The following NOS1AP variants were observed in gnomAD, a reference collection of about 807,000 sequenced individuals.
NOS1AP encodes nitric oxide synthase 1 adaptor protein, also known as carboxyl-terminal PDZ ligand of neuronal nitric oxide synthase protein.
In NOS1AP, 21 loss-of-function variants were observed where a neutral mutation model predicts 56.2. The observed-to-expected ratio is 0.37, with a 90% CI of 0.26 to 0.54. The LOEUF (loss-of-function observed/expected upper bound fraction) is 0.54, where lower values mean the gene tolerates loss of function less well. Ranked by LOEUF, NOS1AP falls within the 20% of genes least tolerant of loss-of-function variation. NOS1AP has a pLI of 0.84. For missense variants in NOS1AP, 522 were observed against 657.8 expected, an observed-to-expected ratio of 0.79 and a Z score of 2.26; for synonymous variants, 270 against 274.6, an observed-to-expected ratio of 0.98 and a Z score of 0.17.
At chr1:162,165,641 G>T (rs1383705989) in intron 2 of NOS1AP, among the ~76,000 whole-genome samples, 2 of 152,122 alleles carry the variant, frequency 1.3e-5, no homozygotes, top group Non-Finnish European at 2.9e-5. Context: ...CAAGACTCCA[G>T]TCTGCTTACA....
intron 2 of NOS1AP, among the ~76,000 whole-genome samples, chr1:162,265,833 C>A (rs184722968): frequency 1.3e-5 from 2 of 152,170 alleles, no homozygotes; most frequent in Non-Finnish European, 2.9e-5. Context: ...CATAAGCTTA[C>A]ACAAGATAGA....
At chr1:162,132,927 T>C (rs1406245446) in intron 1 of NOS1AP, among the ~76,000 whole-genome samples, 1 of 152,258 alleles carries the variant, frequency 6.6e-6, no homozygotes, top group Non-Finnish European at 1.5e-5. Context: ...TTGTTTGCTC[T>C]GGCTCTTCTG....
chr1:162,312,449 ATTTG>A (rs1157872317), intron 4 of NOS1AP, among the ~76,000 whole-genome samples: 1 of 119,508 alleles, frequency 8.4e-6, no homozygotes, highest in Non-Finnish European at 1.8e-5. Context: ...TTTCTTGTAA[ATTTG>A]TTTGAGTTCT....
intron 2 of NOS1AP, among the ~76,000 whole-genome samples, chr1:162,194,615 T>C (rs947548228): frequency 2.0e-5 from 3 of 152,180 alleles, no homozygotes; most frequent in Non-Finnish European, 4.4e-5. Flanking sequence ...TTAAATGATC[T>C]CACAGATGAT....
intron 2 of NOS1AP, among the ~76,000 whole-genome samples, chr1:162,159,203 G>A (rs1321361876): frequency 6.6e-6 from 1 of 152,150 alleles, no homozygotes; most frequent in African/African-American, 2.4e-5. Flanking sequence ...GCTTTCCTGG[G>A]AAGGCAGCAC....
chr1:162,151,370 G>A (rs550527649), intron 1 of NOS1AP, among the ~76,000 whole-genome samples: 3 of 152,278 alleles, frequency 2.0e-5, no homozygotes, highest in Middle Eastern at 3.4e-3. Context: ...ATGTTCTGTA[G>A]CATGTACATG....
At chr1:162,195,484 C>T (rs780715583) in intron 2 of NOS1AP, among the ~76,000 whole-genome samples, 2 of 152,152 alleles carry the variant, frequency 1.3e-5, no homozygotes, top group African/African-American at 4.8e-5. Flanking sequence ...ATGACAGGCT[C>T]AGTATTTATG....
intron 1 of NOS1AP, among the ~76,000 whole-genome samples, chr1:162,086,555 T>TTGAA (rs1433175811): frequency 6.6e-6 from 1 of 152,136 alleles, no homozygotes; most frequent in Non-Finnish European, 1.5e-5. Context: ...GCCATTGGTC[T>TTGAA]TGAATGAATG....
At chr1:162,247,987 T>C (rs1653722034) in intron 2 of NOS1AP, among the ~76,000 whole-genome samples, 1 of 152,096 alleles carries the variant, frequency 6.6e-6, no homozygotes, top group Non-Finnish European at 1.5e-5. Flanking sequence ...CTGGAATAAT[T>C]AAAATCAAAA....
chr1:162,098,267 C>T (rs999322149), intron 1 of NOS1AP, among the ~76,000 whole-genome samples: 8 of 8,978 alleles, frequency 8.9e-4, no homozygotes, highest in South Asian at 0.05. Context: ...CCACCATGCC[C>T]GGCTATTGTT....
intron 4 of NOS1AP, among the ~76,000 whole-genome samples, chr1:162,332,293 T>G (rs1451037189): frequency 1.3e-5 from 2 of 152,206 alleles, no homozygotes; most frequent in Non-Finnish European, 1.5e-5. Context: ...CTGTCTAAAA[T>G]AGCCCCCATC....
At chr1:162,349,826 T>C (rs79169859) in intron 6 of NOS1AP, among the ~76,000 whole-genome samples, 1 of 152,222 alleles carries the variant, frequency 6.6e-6, no homozygotes, top group Non-Finnish European at 1.5e-5. Flanking sequence ...CTCTGGTTAT[T>C]GTGTAGTGCC....
In NOS1AP at chr1:162,227,490, T is replaced by C. The variant is rs182883346; in HGVS notation, c.178-59854T>C. Among the ~76,000 whole-genome samples, 24 of 152,308 alleles carry C rather than the reference T, an allele frequency of 1.6e-4. No individual in the cohort carries two copies. The East Asian group carries it at 4.1e-3, about 26-fold the overall frequency. ...AGCACATGACAGGAGATCAGAACCA[T>C]CCTCCTGTGTGGACTGGGGTTGGGA... is the stretch of plus-strand genomic sequence containing the variant. On this transcript the variant is annotated intron_variant, in intron 2 of 9. Coordinates refer to ENST00000361897, the MANE Select transcript of NOS1AP (RefSeq NM_014697.3).
At chr1:162,319,809 A>G (rs1262817980) in intron 4 of NOS1AP, among the ~76,000 whole-genome samples, 1 of 144,916 alleles carries the variant, frequency 6.9e-6, no homozygotes, top group African/African-American at 2.4e-5. Flanking sequence ...GAGGGCTCCC[A>G]GGGACACTGC....
Position 162,154,409 on chromosome 1 carries a change from T to C in NOS1AP, c.110T>C (p.Val37Ala), listed in dbSNP as rs1259606971. The C allele has an allele frequency of 1.2e-6, 2 of 1,614,006 alleles. No individual in the cohort carries two copies. Among genetic ancestry groups the C allele is most frequent in the Non-Finnish European group, 8.5e-7 (1 of 1,179,924 alleles). The change falls in exon 2 of 10, where the codon GTA (valine) becomes GCA (alanine). Residue 37 changes from valine (V) to alanine (A), a missense_variant. By Grantham distance (64) the Val-to-Ala change is moderately conservative (BLOSUM62 0). Coordinates refer to ENST00000361897, the MANE Select transcript of NOS1AP (RefSeq NM_014697.3). ...GTGTTTGCTTCTCCCCCACAGTACG[T>C]AGGAAGCCTGGACGTGCCAAGGCCC... The part of the protein sequence containing the change: ...QHGICFEAKY[V>A]GSLDVPRPNS...
intron 2 of NOS1AP, among the ~76,000 whole-genome samples, chr1:162,283,009 C>T (rs1654980242): frequency 6.6e-6 from 1 of 152,010 alleles, no homozygotes. Flanking sequence ...AGTGTATCAC[C>T]AGCCAAATTA....
chr1:162,198,702 C>T (rs902426159), intron 2 of NOS1AP, among the ~76,000 whole-genome samples: 6 of 152,126 alleles, frequency 3.9e-5, no homozygotes, highest in South Asian at 2.1e-4. Flanking sequence ...TTCATTATCT[C>T]GTGGATTCAA....
intron 2 of NOS1AP, among the ~76,000 whole-genome samples, chr1:162,226,348 T>C (rs919981683): frequency 6.6e-6 from 1 of 152,204 alleles, no homozygotes; most frequent in African/African-American, 2.4e-5. Flanking sequence ...GATTTAGCCT[T>C]GAGCAAAATG....
chr1:162,332,452 C>T (rs1318038822), intron 4 of NOS1AP, among the ~76,000 whole-genome samples: 1 of 152,112 alleles, frequency 6.6e-6, no homozygotes, highest in African/African-American at 2.4e-5. Flanking sequence ...TAGTGCCTGG[C>T]CCACAGTGTG....
Sources: gnomAD v4.1 joint callset for allele counts (sites outside exome capture counted in the v4.1 genomes callset) on GRCh38, gnomAD v4.1.1 for gene constraint, MANE v1.5 for transcripts, NCBI Gene and HGNC (gene_info 2026-07-23, HGNC 2026-07-21) for gene names.